Variants in ADGRL3 observed in about 807,000 individuals in gnomAD.
The protein encoded by ADGRL3 is adhesion G protein-coupled receptor L3, also known as calcium-independent alpha-latrotoxin receptor 3.
ADGRL3 carries 62 observed loss-of-function variants against 153.5 expected under a neutral mutation model. The observed-to-expected ratio is 0.40, with a 90% CI of 0.33 to 0.50. The LOEUF (loss-of-function observed/expected upper bound fraction) is 0.50, where lower values mean the gene tolerates loss of function less well. Among genes scored for constraint, ADGRL3 ranks in the 20% least tolerant of loss-of-function variants. ADGRL3 has a pLI of 0.47. For synonymous variants in ADGRL3, 710 were observed against 672.5 expected, an observed-to-expected ratio of 1.06 and a Z score of -0.86; for missense variants, 1,641 against 1,859.4, an observed-to-expected ratio of 0.88 and a Z score of 2.16.
intron 4 of ADGRL3, among the ~76,000 whole-genome samples, chr4:61,578,575 A>G (rs986416749): frequency 2.6e-5 from 4 of 151,988 alleles, no homozygotes; most frequent in Non-Finnish European, 5.9e-5. Context: ...TTTGAGCTAT[A>G]TTCTGTGTCT....
chr4:61,310,067 G>T (rs182903632), intron 1 of ADGRL3, among the ~76,000 whole-genome samples: 26 of 151,002 alleles, frequency 1.7e-4, no homozygotes, highest in Admixed American at 1.7e-3. Context: ...CTATTAAAGG[G>T]TCTTCTGCTT....
intron 9 of ADGRL3, among the ~76,000 whole-genome samples, chr4:61,838,748 A>T (rs1440403012): frequency 3.3e-5 from 5 of 152,222 alleles, no homozygotes; most frequent in Admixed American, 2.6e-4. Flanking sequence ...ATCTTTAAGT[A>T]AAGGCATGAA....
At chr4:61,301,143 GTC>G (rs1197373315) in intron 1 of ADGRL3, among the ~76,000 whole-genome samples, 3 of 152,136 alleles carry the variant, frequency 2.0e-5, no homozygotes, top group African/African-American at 7.2e-5. Context: ...GCAGATTATG[GTC>G]TCTGTTCTAA....
At chr4:61,586,511 A>C (rs1560888258) in intron 4 of ADGRL3, among the ~76,000 whole-genome samples, 1 of 152,058 alleles carries the variant, frequency 6.6e-6, no homozygotes, top group Non-Finnish European at 1.5e-5. Context: ...GTATAGTGTG[A>C]TACTACCTGA....
At chr4:61,319,932 T>A (rs939850333) in intron 1 of ADGRL3, among the ~76,000 whole-genome samples, 2 of 152,156 alleles carry the variant, frequency 1.3e-5, no homozygotes, top group African/African-American at 4.8e-5. Context: ...TATATTGAAG[T>A]CCTAACTCCT....
chr4:61,719,898 C>T (rs984426846), intron 6 of ADGRL3, among the ~76,000 whole-genome samples: 4 of 152,030 alleles, frequency 2.6e-5, no homozygotes, highest in African/African-American at 4.8e-5. Context: ...CCACCGCTCC[C>T]GCCCCCTGTC....
chr4:61,834,394 A>G (rs1025323170), intron 9 of ADGRL3, among the ~76,000 whole-genome samples: 1 of 152,104 alleles, frequency 6.6e-6, no homozygotes, highest in Non-Finnish European at 1.5e-5. Context: ...AGTCTTTGCT[A>G]TTGTGAATAG....
At chr4:62,054,760 T>A (rs1736100998) in intron 25 of ADGRL3, among the ~76,000 whole-genome samples, 1 of 151,678 alleles carries the variant, frequency 6.6e-6, no homozygotes, top group East Asian at 1.9e-4. Flanking sequence ...GTATAAAGAA[T>A]GTCTACAAAT....
intron 9 of ADGRL3, among the ~76,000 whole-genome samples, chr4:61,838,174 C>G (rs1214566587): frequency 6.6e-6 from 1 of 152,106 alleles, no homozygotes; most frequent in Admixed American, 6.6e-5. Flanking sequence ...AGTAATTATA[C>G]TTGCTGGATT....
intron 9 of ADGRL3, among the ~76,000 whole-genome samples, chr4:61,817,929 A>C (rs942796618): frequency 1.3e-5 from 2 of 152,248 alleles, no homozygotes; most frequent in Middle Eastern, 3.4e-3. Flanking sequence ...GAATTATGAG[A>C]GCTACAATGC....
chr4:61,838,686 T>G (rs2148961222), intron 9 of ADGRL3, among the ~76,000 whole-genome samples: 1 of 152,296 alleles, frequency 6.6e-6, no homozygotes, highest in African/African-American at 2.4e-5. Context: ...AGTTTTATCA[T>G]AAGAAAAATC....
chr4:61,911,021 T>C (rs2098719631), intron 12 of ADGRL3, among the ~76,000 whole-genome samples: 1 of 152,126 alleles, frequency 6.6e-6, no homozygotes, highest in Non-Finnish European at 1.5e-5. Flanking sequence ...ATGCCCTTGA[T>C]AGAATCACAA....
intron 2 of ADGRL3, among the ~76,000 whole-genome samples, chr4:61,486,395 T>C (rs896694652): frequency 2.0e-5 from 3 of 152,206 alleles, no homozygotes; most frequent in African/African-American, 7.2e-5. Flanking sequence ...TGCGATATAT[T>C]GTCACAATTA....
chr4:61,834,607 G>A (rs79574508), intron 9 of ADGRL3, among the ~76,000 whole-genome samples: 8,205 of 152,110 alleles, frequency 0.054, 297 homozygotes, highest in Middle Eastern at 0.1. Flanking sequence ...ATGGGAAAAG[G>A]CCATCAAGGG....
chr4:61,764,274 G>A (rs1378310745), intron 8 of ADGRL3, among the ~76,000 whole-genome samples: 1 of 152,140 alleles, frequency 6.6e-6, no homozygotes, highest in Non-Finnish European at 1.5e-5. Flanking sequence ...CAACATGGCT[G>A]TTTATTTCAC....
chr4:61,779,313 C>CG (rs199714590), intron 8 of ADGRL3, among the ~76,000 whole-genome samples: 8 of 151,618 alleles, frequency 5.3e-5, no homozygotes, highest in South Asian at 4.2e-4. Flanking sequence ...TGAAACTCTG[C>CG]GGGGGGGTGG....
At chr4:61,866,189 T>C (rs1394523874) in intron 9 of ADGRL3, among the ~76,000 whole-genome samples, 5 of 152,194 alleles carry the variant, frequency 3.3e-5, no homozygotes, top group Non-Finnish European at 7.3e-5. Flanking sequence ...TAGCTCCCTA[T>C]GCATCTTAGT....
rs190741844 is a variant in ADGRL3, at chr4:61,220,944, T to C, written c.-240+19179T>C. 2.0e-5 allele frequency among the ~76,000 whole-genome samples: 3 copies of C among 152,342 alleles called. No individual in the cohort carries two copies. In the East Asian group the frequency reaches 5.8e-4, roughly 29 times the overall value. On this transcript the variant is annotated intron_variant, in intron 1 of 26. Transcript: ENST00000683033. ...TATATATGGACTGTAAAATACAGTT[T>C]GCATACTTTTCATTTTAGGACAGAC...
chr4:61,983,133 GTAT>G (rs1560465376), intron 18 of ADGRL3, among the ~76,000 whole-genome samples: 2 of 151,952 alleles, frequency 1.3e-5, no homozygotes, highest in South Asian at 2.1e-4. Context: ...TTTTTTCTAA[GTAT>G]TATTTTTTTT....
Sources: gnomAD v4.1 joint callset for allele counts (sites outside exome capture counted in the v4.1 genomes callset) on GRCh38, gnomAD v4.1.1 for gene constraint, MANE v1.5 for transcripts, NCBI Gene and HGNC (gene_info 2026-07-23, HGNC 2026-07-21) for gene names.